ZNF141: variants seen among roughly 807,000 people sequenced by gnomAD.
ZNF141 encodes the protein zinc finger protein 141, also known as zinc finger protein 141 (clone pHZ-44).
A neutral mutation model predicts 11.3 loss-of-function variants in ZNF141; 7 were observed. The observed-to-expected ratio is 0.62, with a 90% CI of 0.35 to 1.16. The LOEUF (loss-of-function observed/expected upper bound fraction) is 1.16. Ranked by LOEUF, ZNF141 falls within the 50% of genes most tolerant of loss-of-function variation. The pLI is 0.02. For synonymous variants in ZNF141, 183 were observed against 190.7 expected, an observed-to-expected ratio of 0.96 and a Z score of 0.33; for missense variants, 535 against 554.0, an observed-to-expected ratio of 0.97 and a Z score of 0.34.
intron 3 of ZNF141, among the ~76,000 whole-genome samples, chr4:347,257 G>A (rs1021979431): frequency 3.3e-5 from 5 of 151,180 alleles, no homozygotes; most frequent in East Asian, 1.9e-4. Context: ...GGCTAGTCTC[G>A]AACTCCCGAC....
intron 1 of ZNF141, chr4:343,019 GCA>G (rs1721125416): frequency 1.6e-6 from 1 of 630,862 alleles, no homozygotes; most frequent in East Asian, 3.6e-5. Flanking sequence ...AAAGTTCCTT[GCA>G]TGATTAAAAA....
intron 3 of ZNF141, among the ~76,000 whole-genome samples, chr4:347,334 G>A (rs1259346068): frequency 7.0e-6 from 1 of 142,498 alleles, no homozygotes; most frequent in Non-Finnish European, 1.5e-5. Context: ...ACCACGCCCG[G>A]CCAAGTTTTT....
intron 3 of ZNF141, among the ~76,000 whole-genome samples, chr4:345,729 CAAAAAAAAAAAA>C (rs1321182710): frequency 3.1e-5 from 2 of 64,616 alleles, no homozygotes; most frequent in African/African-American, 1.0e-4. Flanking sequence ...ACTCTGTCTC[CAAAAAAAAAAAA>C]AAAAAAAAAG....
rs140948682 is a variant in ZNF141 at position 373,531 on chromosome 4, G to C, written c.1094G>C (p.Arg365Pro). The change falls in exon 4 of 4, where the codon CGG (arginine) becomes CCG (proline). Residue 365 changes from arginine (R) to proline (P), a missense_variant. Transcript: ENST00000240499. ...NEHKKVHTGE[R>P]PYKCDECGKA... is the part of the protein sequence containing the mutation. The stretch of plus-strand genomic sequence containing the variant: ...CATAAGAAAGTTCATACTGGAGAGC[G>C]GCCCTACAAATGTGATGAATGTGGC... 3.6e-4 allele frequency: 582 copies of C among 1,608,412 alleles called. 1 individual carries two copies. Among genetic ancestry groups the C allele is most frequent in the Non-Finnish European group, 4.6e-4 (545 of 1,178,696 alleles).
At chr4:349,285 A>G (rs1466909176) in intron 3 of ZNF141, among the ~76,000 whole-genome samples, 2 of 152,102 alleles carry the variant, frequency 1.3e-5, no homozygotes, top group East Asian at 3.9e-4. Context: ...AAAAAATCCC[A>G]ACAAGCATCT....
intron 3 of ZNF141, among the ~76,000 whole-genome samples, chr4:359,058 C>A (rs1405716392): frequency 6.6e-6 from 1 of 152,152 alleles, no homozygotes; most frequent in Non-Finnish European, 1.5e-5. Flanking sequence ...GTAAATACTT[C>A]TTTCAGTCAT....
chr4:347,370 C>T (rs536767211), intron 3 of ZNF141, among the ~76,000 whole-genome samples: 2 of 127,170 alleles, frequency 1.6e-5, no homozygotes, highest in African/African-American at 3.0e-5. Flanking sequence ...GACTGAGTCT[C>T]TCTCTGTCGC....
chr4:345,095 G>A (rs61792145), intron 3 of ZNF141, among the ~76,000 whole-genome samples: 65,813 of 151,912 alleles, frequency 0.43, 14,853 homozygotes, highest in African/African-American at 0.57. Context: ...TTTTTTTCAA[G>A]TATTCTTTTC....
At chr4:363,169 G>C (rs1254859411) in intron 3 of ZNF141, among the ~76,000 whole-genome samples, 2 of 151,980 alleles carry the variant, frequency 1.3e-5, no homozygotes, top group African/African-American at 4.8e-5. Flanking sequence ...TCATGATTTG[G>C]CTCTCTGTCT....
chr4:344,429 A>G lies in ZNF141; in HGVS notation c.225A>G (p.Pro75=), dbSNP rs1553849160. Residue 75 remains proline, a splice_region_variant and synonymous_variant, in exon 3 of 4, where the codon CCA becomes CCG. Coordinates refer to ENST00000240499, the MANE Select transcript of ZNF141 (RefSeq NM_003441.4). ...TACATAAGATCGTAGCCAGACCCCC[A>G]GGTAGGTGAGAGTGAATGGAGGAGA... The part of the protein sequence containing the change: ...VKIHKIVARP[P]AMCSHFTQDH... The G allele has an allele frequency of 6.2e-7, 1 of 1,603,796 alleles. No individual in the cohort carries two copies. Among genetic ancestry groups the G allele is most frequent in the Non-Finnish European group, 8.5e-7 (1 of 1,172,874 alleles).
At chr4:350,995 C>T (rs1553850375) in intron 3 of ZNF141, among the ~76,000 whole-genome samples, 1 of 151,676 alleles carries the variant, frequency 6.6e-6, no homozygotes, top group Non-Finnish European at 1.5e-5. Flanking sequence ...ATGATCCGTC[C>T]ACCTCAGCCT....
rs551511087 is a variant in ZNF141 at position 374,441 on chromosome 4, C to T, written c.*579C>T. On this transcript the variant is annotated 3_prime_UTR_variant, in exon 4 of 4. Transcript: ENST00000240499. Reference sequence around the variant, plus strand: ...TTGTTAAACATAAGAGAATTTATACCAGAGAGAAACCCTACACATGTAAAG... The same window carrying T: ...TTGTTAAACATAAGAGAATTTATACTAGAGAGAAACCCTACACATGTAAAG... The T allele has an allele frequency of 6.3e-5, 22 of 347,700 alleles. No individual in the cohort carries two copies. Among genetic ancestry groups the T allele is most frequent in the Admixed American group, 3.2e-4 (10 of 31,052 alleles). The allele number at this position is 347,700 out of a possible 1,614,324, so 21.5% of individuals were successfully genotyped here.
intron 3 of ZNF141, among the ~76,000 whole-genome samples, chr4:363,204 G>C (rs773249765): frequency 5.3e-5 from 8 of 152,160 alleles, no homozygotes; most frequent in Non-Finnish European, 1.0e-4. Context: ...AGGAATGCTC[G>C]TGATTTTTGC....
In ZNF141 at chr4:374,725, C is replaced by G. The variant is rs1280218874; in HGVS notation, c.*863C>G. 6.5e-6 allele frequency: 1 copy of G among 153,594 alleles called. No individual in the cohort carries two copies. The highest frequency in any genetic ancestry group is 2.4e-5 in the African/African-American group (1 of 41,426). The allele number at this position is 153,594 out of a possible 1,614,324, so 9.5% of individuals were successfully genotyped here. On this transcript the variant is annotated 3_prime_UTR_variant, in exon 4 of 4. Coordinates refer to ENST00000240499, the MANE Select transcript of ZNF141 (RefSeq NM_003441.4). The stretch of plus-strand genomic sequence containing the variant: ...GATGTGACAAAACCTTTAAGCCATA[C>G]TCCAGGCTTCTTAAACATAATGAGA...
rs147318550 is a variant in ZNF141, at chr4:352,385, C to CA, written c.226+7964dup. Among the ~76,000 whole-genome samples the CA allele has an allele frequency of 6.0e-3, 907 of 150,546 alleles. 15 individuals are homozygous for CA. The South Asian group carries it at 0.064, about 11-fold the overall frequency. On this transcript the variant is annotated intron_variant, in intron 3 of 3. Coordinates refer to ENST00000240499, the MANE Select transcript of ZNF141 (RefSeq NM_003441.4). ...CTGGTGACAGAGCGAGACTCCGTCTCAAAAAAAAAGAGGAAGGTGGGAGAG... is the reference window on the plus strand; with the variant it reads ...CTGGTGACAGAGCGAGACTCCGTCTCAAAAAAAAAAGAGGAAGGTGGGAGAG...
intron 1 of ZNF141, among the ~76,000 whole-genome samples, chr4:341,832 A>G (rs1232197658): frequency 2.6e-5 from 4 of 152,204 alleles, no homozygotes; most frequent in Non-Finnish European, 5.9e-5. Flanking sequence ...CCCAAAAGCC[A>G]ATAAATAGGG....
chr4:346,635 C>G (rs989121686), intron 3 of ZNF141, among the ~76,000 whole-genome samples: 17 of 152,188 alleles, frequency 1.1e-4, no homozygotes, highest in Non-Finnish European at 2.2e-4. Flanking sequence ...TATTCCCACC[C>G]TAGGCACTAA....
At chr4:368,938 A>C (rs1417156721) in intron 3 of ZNF141, among the ~76,000 whole-genome samples, 1 of 152,174 alleles carries the variant, frequency 6.6e-6, no homozygotes, top group Non-Finnish European at 1.5e-5. Context: ...ATTGCATTTA[A>C]TCTGGAGATT....
Position 337,852 on chromosome 4 carries a change from G to C in ZNF141, c.-132G>C, listed in dbSNP as rs1242745883. 6.4e-6 allele frequency: 8 copies of C among 1,252,488 alleles called. No homozygotes were observed. Among genetic ancestry groups the C allele is most frequent in the Non-Finnish European group, 9.2e-6 (8 of 868,178 alleles). 77.6% of individuals were successfully genotyped at this position (1,252,488 alleles called of 1,614,324 possible). On this transcript the variant is annotated 5_prime_UTR_variant, in exon 1 of 4. Coordinates refer to ENST00000240499, the MANE Select transcript of ZNF141 (RefSeq NM_003441.4). The stretch of plus-strand genomic sequence containing the variant: ...GCTACTACCAGACCGCGGGTTAGGG[G>C]CTTCATCTCTCTGCGTTCTCAGTTG...
Sources: gnomAD v4.1 joint callset for allele counts (sites outside exome capture counted in the v4.1 genomes callset) on GRCh38, gnomAD v4.1.1 for gene constraint, MANE v1.5 for transcripts, NCBI Gene and HGNC (gene_info 2026-07-23, HGNC 2026-07-21) for gene names.